The following SHISA9 variants were observed in gnomAD, a reference collection of about 807,000 sequenced individuals.
The protein encoded by SHISA9 is shisa family member 9, also known as protein shisa-9.
Under a neutral mutation model 38.0 loss-of-function variants are expected in SHISA9, and 13 were observed. That is an observed-to-expected ratio of 0.34 (90% CI 0.22 to 0.54). The LOEUF (loss-of-function observed/expected upper bound fraction) is 0.54. SHISA9 is among the 20% of genes least tolerant of loss of function. The pLI is 0.91. For synonymous variants in SHISA9, 275 were observed against 242.0 expected, an observed-to-expected ratio of 1.14 and a Z score of -1.27; for missense variants, 538 against 575.8, an observed-to-expected ratio of 0.93 and a Z score of 0.67.
chr16:13,542,967 AG>A, the SHISA9 span, among the ~76,000 whole-genome samples: 1 of 152,176 alleles, frequency 6.6e-6, no homozygotes, highest in African/African-American at 2.4e-5. Context: ...CAACTCCAAT[AG>A]TGATTTTAAC....
the SHISA9 span, among the ~76,000 whole-genome samples, chr16:13,369,926 A>T: frequency 6.6e-6 from 1 of 152,102 alleles, no homozygotes; most frequent in Admixed American, 6.5e-5. Flanking sequence ...GACCTGGCCT[A>T]GGCATCTAAT....
the SHISA9 span, among the ~76,000 whole-genome samples, chr16:13,511,304 A>G: frequency 2.1e-3 from 315 of 152,360 alleles, 2 homozygotes; most frequent in African/African-American, 7.3e-3. Flanking sequence ...CAAACAAAGA[A>G]GCGGAAATAC....
At position 13,215,075 on chromosome 16, in the gene SHISA9, A is replaced by G. The variant is rs557901205; in HGVS notation, c.895+1775A>G. Among the ~76,000 whole-genome samples the G allele has an allele frequency of 1.2e-3, 178 of 152,222 alleles. 1 individual carries two copies. The highest frequency in any genetic ancestry group is 4.1e-3 in the African/African-American group (172 of 41,552). On this transcript the variant is annotated intron_variant, in intron 4 of 4. Coordinates refer to ENST00000558583, the MANE Select transcript of SHISA9 (RefSeq NM_001145204.3). Reference sequence around the variant, plus strand: ...TGCAGGTGGGTGGTGACCTGCACTGAGGTGGGTAGAGGATGGAGAGAAGAA... The same window carrying G: ...TGCAGGTGGGTGGTGACCTGCACTGGGGTGGGTAGAGGATGGAGAGAAGAA...
chr16:13,071,972 C>G (rs1284570851), intron 2 of SHISA9, among the ~76,000 whole-genome samples: 3 of 152,186 alleles, frequency 2.0e-5, no homozygotes, highest in African/African-American at 7.2e-5. Flanking sequence ...GACACCCGCT[C>G]TTCCCAAATC....
the SHISA9 span, among the ~76,000 whole-genome samples, chr16:13,454,388 A>G: frequency 3.3e-5 from 5 of 152,312 alleles, no homozygotes; most frequent in Admixed American, 1.3e-4. Flanking sequence ...ACACCTCTCC[A>G]CTTCTCACTC....
chr16:12,902,259 G>A lies in SHISA9; in HGVS notation c.195G>A (p.Pro65=), dbSNP rs2071027974. 19 of 1,546,798 alleles carry A rather than the reference G, an allele frequency of 1.2e-5. No individual in the cohort carries two copies. The East Asian group carries it at 2.4e-4, about 20-fold the overall frequency. ...GCGCTGAGGCATCGGACGCGCCCCCGACCCGGGCGCCCACGCCGGACTTCT... is the reference window on the plus strand; with the variant it reads ...GCGCTGAGGCATCGGACGCGCCCCCAACCCGGGCGCCCACGCCGGACTTCT... ...SEGAEASDAP[P]TRAPTPDFCR... is the part of the protein sequence containing the mutation. Residue 65 remains proline (P), a synonymous_variant, in exon 1 of 5, where the codon CCG becomes CCA. Coordinates refer to ENST00000558583, the MANE Select transcript of SHISA9 (RefSeq NM_001145204.3).
chr16:13,227,544 A>G (rs555685151), intron 4 of SHISA9, among the ~76,000 whole-genome samples: 23 of 152,280 alleles, frequency 1.5e-4, no homozygotes, highest in Middle Eastern at 3.4e-3. Context: ...AGGGATGACA[A>G]CCTTGGGCCA....
chr16:12,943,798 T>C (rs1002494937), intron 2 of SHISA9, among the ~76,000 whole-genome samples: 1 of 152,208 alleles, frequency 6.6e-6, no homozygotes, highest in African/African-American at 2.4e-5. Flanking sequence ...GCTCATCTAA[T>C]ATAGATCCTA....
chr16:13,002,402 G>A (rs937143426), intron 2 of SHISA9, among the ~76,000 whole-genome samples: 4 of 152,006 alleles, frequency 2.6e-5, no homozygotes, highest in Admixed American at 2.0e-4. Context: ...GATTATCCTC[G>A]TTGTCCACAA....
Position 12,915,986 on chromosome 16 carries a change from G to GTTTT in SHISA9, c.564-695_564-692dup, listed in dbSNP as rs71147769. Reference sequence around the variant, plus strand: ...GGTCTGTTCTACGTATGAACACTGAGTTTTTTTTTTGTGTGTGTGTGTGTG... The same window carrying GTTTT: ...GGTCTGTTCTACGTATGAACACTGAGTTTTTTTTTTTTTTGTGTGTGTGTGTGTG... On this transcript the variant is annotated intron_variant, in intron 1 of 4. Transcript: ENST00000558583. Among the ~76,000 whole-genome samples, 4 of 124,382 alleles carry GTTTT rather than the reference G, an allele frequency of 3.2e-5. No homozygotes were observed. The East Asian group carries it at 1.0e-3, about 32-fold the overall frequency. 81.6% of individuals were successfully genotyped at this position (124,382 alleles called of 152,430 possible).
chr16:13,037,575 T>C (rs1596603177), intron 2 of SHISA9, among the ~76,000 whole-genome samples: 2 of 151,988 alleles, frequency 1.3e-5, no homozygotes, highest in South Asian at 2.1e-4. Flanking sequence ...CTTTGCAAGA[T>C]TGGGCAAAAT....
At chr16:12,984,865 A>G (rs1467124211) in intron 2 of SHISA9, among the ~76,000 whole-genome samples, 1 of 152,116 alleles carries the variant, frequency 6.6e-6, no homozygotes, top group Non-Finnish European at 1.5e-5. Flanking sequence ...TGAGGTGCCT[A>G]AAGGGTGCAG....
the SHISA9 span, among the ~76,000 whole-genome samples, chr16:13,530,633 C>T: frequency 0.23 from 34,485 of 151,818 alleles, 4,330 homozygotes; most frequent in East Asian, 0.53. Flanking sequence ...ACTGTGACAA[C>T]ACCACCTACC....
intron 1 of SHISA9, among the ~76,000 whole-genome samples, chr16:12,915,986 GTTTT>G (rs71147769): frequency 9.3e-4 from 115 of 124,298 alleles, no homozygotes; most frequent in African/African-American, 2.5e-3. Context: ...TGAACACTGA[GTTTT>G]TTTTTTGTGT....
the SHISA9 span, among the ~76,000 whole-genome samples, chr16:13,457,663 G>A: frequency 6.6e-6 from 1 of 151,432 alleles, no homozygotes; most frequent in African/African-American, 2.4e-5. Context: ...TTTACCATCC[G>A]TAAGATTAAT....
chr16:13,019,629 G>A (rs1184004278), intron 2 of SHISA9, among the ~76,000 whole-genome samples: 1 of 151,832 alleles, frequency 6.6e-6, no homozygotes, highest in Non-Finnish European at 1.5e-5. Context: ...AAACTTTTAA[G>A]TTCAGGGGTA....
At chr16:12,903,804 G>A (rs960635747) in intron 1 of SHISA9, among the ~76,000 whole-genome samples, 5 of 151,982 alleles carry the variant, frequency 3.3e-5, no homozygotes, top group African/African-American at 1.2e-4. Flanking sequence ...GGGGGCCTGT[G>A]TGTGTGCGCG....
chr16:12,921,632 A>G (rs922477043), intron 2 of SHISA9, among the ~76,000 whole-genome samples: 5 of 152,142 alleles, frequency 3.3e-5, no homozygotes, highest in Non-Finnish European at 5.9e-5. Flanking sequence ...GTAATTGGGC[A>G]TGGTAGTTCA....
At chr16:13,179,285 C>T (rs2050757877) in intron 2 of SHISA9, among the ~76,000 whole-genome samples, 2 of 152,118 alleles carry the variant, frequency 1.3e-5, no homozygotes, top group Admixed American at 6.5e-5. Flanking sequence ...GCACCCCAGC[C>T]CAGGTGACAG....
Sources: gnomAD v4.1 joint callset for allele counts (sites outside exome capture counted in the v4.1 genomes callset) on GRCh38, gnomAD v4.1.1 for gene constraint, MANE v1.5 for transcripts, NCBI Gene and HGNC (gene_info 2026-07-23, HGNC 2026-07-21) for gene names.